GPI: variants seen among roughly 807,000 people sequenced by gnomAD.
GPI encodes D-hexose-6-phosphate anomerase.
GPI carries 56 observed loss-of-function variants against 75.8 expected under a neutral mutation model. That is an observed-to-expected ratio of 0.74 (90% confidence interval 0.60 to 0.92). The LOEUF is 0.92. Ranked by LOEUF, GPI falls within the 40% of genes least tolerant of loss-of-function variation. GPI has a pLI of 0.00. For missense variants in GPI, 638 were observed against 741.0 expected (o/e 0.86, Z 1.61); for synonymous variants, 288 against 285.4 (o/e 1.01, Z -0.09).
At chr19:34,372,830 A>G (rs2145341493) in intron 4 of GPI, among the ~76,000 whole-genome samples, 1 of 151,560 alleles carries the variant, frequency 6.6e-6, no homozygotes, top group South Asian at 2.1e-4. Flanking sequence ...CTGGAGTGCA[A>G]TGGCCTGATC....
upstream of GPI, among the ~76,000 whole-genome samples, chr19:34,361,605 T>C (rs569342110): frequency 6.6e-6 from 1 of 152,258 alleles, no homozygotes; most frequent in South Asian, 2.1e-4. Flanking sequence ...GGATTAGACT[T>C]TTCTTCTTAC....
chr19:34,361,108 T>C (rs1449844085), upstream of GPI, among the ~76,000 whole-genome samples: 1 of 151,920 alleles, frequency 6.6e-6, no homozygotes, highest in Non-Finnish European at 1.5e-5. Flanking sequence ...TCCTTTTTTT[T>C]TGAGACAGAG....
rs1356302354 is a variant in GPI, at chr19:34,379,985, G to GTTT, written c.750+425_750+427dup. On this transcript the variant is annotated intron_variant, in intron 8 of 17. Coordinates refer to ENST00000356487, the MANE Select transcript of GPI (RefSeq NM_000175.5). ...TTTTGCCCCCTACTTAGTGTGTGTGGTTTTGTTTTTTTTTTTTTTTTTTTT... is the reference window on the plus strand; with the variant it reads ...TTTTGCCCCCTACTTAGTGTGTGTGGTTTTTTTGTTTTTTTTTTTTTTTTTTTT... 2.8e-3 allele frequency: 364 copies of GTTT among 127,866 alleles called. 82 individuals are homozygous for GTTT. Among genetic ancestry groups the GTTT allele is most frequent in the African/African-American group, 6.9e-3 (175 of 25,218 alleles). The allele number at this position is 127,866 out of a possible 1,614,324, so 7.9% of individuals were successfully genotyped here. A position where few individuals can be genotyped will look rare whatever the true frequency, so the allele number is the denominator to read the frequency against.
intron 9 of GPI, among the ~76,000 whole-genome samples, chr19:34,382,690 A>G (rs1333575951): frequency 6.6e-6 from 1 of 152,048 alleles, no homozygotes; most frequent in East Asian, 1.9e-4. Flanking sequence ...CCAGCCAAGG[A>G]GCCAAGCAGA....
At chr19:34,380,932 G>A in intron 8 of GPI, 1 of 239,176 alleles carries the variant, frequency 4.2e-6, no homozygotes, top group Non-Finnish European at 8.4e-6. Flanking sequence ...AATAGGTAAG[G>A]AATTGCTGGC....
At chr19:34,359,969 A>G (rs2074292528), upstream of GPI, 1 of 152,282 alleles carries the variant, frequency 6.6e-6, no homozygotes, top group African/African-American at 2.4e-5. Flanking sequence ...TTGAAATTAA[A>G]TCTTTGCTAT....
intron 4 of GPI, among the ~76,000 whole-genome samples, chr19:34,370,077 C>T (rs2074428563): frequency 6.6e-6 from 1 of 152,222 alleles, no homozygotes; most frequent in African/African-American, 2.4e-5. Context: ...TTATTTCCAC[C>T]TGGAAGTATG....
chr19:34,396,304 G>A lies in GPI; in HGVS notation c.1066G>A (p.Asp356Asn), dbSNP rs887245274. The change falls in exon 13 of 18, where the codon GAC becomes AAC. Residue 356 changes from aspartate (D) to asparagine (N), a missense_variant. Coordinates refer to ENST00000356487, the MANE Select transcript of GPI (RefSeq NM_000175.5). Reference protein sequence around the residue: ...HRFAAYFQQGDMESNGKYITK... With the variant: ...HRFAAYFQQGNMESNGKYITK... ...TGGGTTTCTGTTCCTTTTCCAGGGC[G>A]ACATGGAGTCCAATGGGAAATACAT... 1.5e-5 allele frequency: 25 copies of A among 1,613,958 alleles called. No homozygotes were observed. Among genetic ancestry groups the A allele is most frequent in the Non-Finnish European group, 8.5e-6 (10 of 1,179,996 alleles).
chr19:34,382,501 G>A (rs1465710428), intron 9 of GPI, among the ~76,000 whole-genome samples: 2 of 152,128 alleles, frequency 1.3e-5, no homozygotes, highest in East Asian at 1.9e-4. Context: ...AAGAATTGAC[G>A]AGAATCACTC....
rs2074655494 is a variant in GPI, at chr19:34,381,639, G to A, written c.804+120G>A. 4 of 812,478 alleles carry A rather than the reference G, an allele frequency of 4.9e-6. No homozygotes were observed. The South Asian group carries it at 5.4e-5, about 11-fold the overall frequency. The allele number at this position is 812,478 out of a possible 1,614,324, so 50.3% of individuals were successfully genotyped here. ...GTACCTGCTGCATACCTAGCTTGGG[G>A]AAAGGTAGAGAGGCCCTCAGAGAGG... is the stretch of plus-strand genomic sequence containing the variant. On this transcript the variant is annotated intron_variant, in intron 9 of 17. Coordinates refer to ENST00000356487, the MANE Select transcript of GPI (RefSeq NM_000175.5).
In GPI at chr19:34,399,279, G is replaced by A. The variant is rs2074987879; in HGVS notation, c.1342G>A (p.Glu448Lys). ...AAAATCGACGGAGGAGGCCCGAAAG[G>A]AGCTCCAGGCTGCGGGCAAGAGTCC... ...RGKSTEEARK[E>K]LQAAGKSPED... The change falls in exon 15 of 18, where the codon GAG (glutamate) becomes AAG (lysine). Residue 448 changes from glutamate (E) to lysine (K), a missense_variant. Coordinates refer to ENST00000356487, the MANE Select transcript of GPI (RefSeq NM_000175.5). 1 of 1,613,918 alleles carries A rather than the reference G, an allele frequency of 6.2e-7. No homozygotes were observed. The highest frequency in any genetic ancestry group is 8.5e-7 in the Non-Finnish European group (1 of 1,179,982).
intron 6 of GPI, among the ~76,000 whole-genome samples, chr19:34,378,693 G>A (rs1213562826): frequency 6.6e-6 from 1 of 152,226 alleles, no homozygotes; most frequent in Non-Finnish European, 1.5e-5. Flanking sequence ...CAGCCCCTCA[G>A]GGGAGAAGCT....
chr19:34,400,154 G>A lies in GPI; in HGVS notation c.*118G>A. 1.8e-6 allele frequency: 2 copies of A among 1,099,994 alleles called. No individual in the cohort carries two copies. Among genetic ancestry groups the A allele is most frequent in the East Asian group, 2.4e-5 (1 of 42,412 alleles). 68.1% of individuals were successfully genotyped at this position (1,099,994 alleles called of 1,614,324 possible). ...CAGAGCACCCTCTGGTTGTGGGCTTGGACCACGAGCCCTTAGCAGGGAAGG... is the reference window on the plus strand; with the variant it reads ...CAGAGCACCCTCTGGTTGTGGGCTTAGACCACGAGCCCTTAGCAGGGAAGG... On this transcript the variant is annotated 3_prime_UTR_variant, in exon 18 of 18. Coordinates refer to ENST00000356487, the MANE Select transcript of GPI (RefSeq NM_000175.5).
intron 8 of GPI, 48 bp downstream of exon 8, chr19:34,379,610 C>A: frequency 6.9e-7 from 1 of 1,457,556 alleles, no homozygotes; most frequent in Non-Finnish European, 9.6e-7. Context: ...GAGTGCCCAG[C>A]ATGTCCAGGT....
chr19:34,370,257 C>T (rs1434432836), intron 4 of GPI, among the ~76,000 whole-genome samples: 3 of 152,318 alleles, frequency 2.0e-5, no homozygotes, highest in South Asian at 4.1e-4. Context: ...GACATCCTCA[C>T]GTCTGGAGAA....
chr19:34,366,073 G>A, intron 1 of GPI: 1 of 665,812 alleles, frequency 1.5e-6, no homozygotes, highest in Non-Finnish European at 2.8e-6. Context: ...GGAAGCCCTG[G>A]GAAGGGGTGG....
At position 34,399,556 on chromosome 19, in the gene GPI, G is replaced by T. The variant is rs1380569226; in HGVS notation, c.1399G>T (p.Val467Phe). 6.2e-7 allele frequency: 1 copy of T among 1,613,884 alleles called. No individual in the cohort carries two copies. The highest frequency in any genetic ancestry group is 8.5e-7 in the Non-Finnish European group (1 of 1,179,866). The part of the protein sequence containing the change: ...EDLERLLPHK[V>F]FEGNRPTNSI... ...AGACATTCCTTGGTGTTTTCTGCAGGTCTTTGAAGGAAATCGCCCAACCAA... is the reference window on the plus strand; with the variant it reads ...AGACATTCCTTGGTGTTTTCTGCAGTTCTTTGAAGGAAATCGCCCAACCAA... The change falls in exon 16 of 18, where the codon GTC becomes TTC. Residue 467 changes from valine to phenylalanine, a missense_variant and splice_region_variant. Coordinates refer to ENST00000356487, the MANE Select transcript of GPI (RefSeq NM_000175.5).
chr19:34,400,369 G>A lies in GPI; in HGVS notation c.*333G>A, dbSNP rs778441678. Reference sequence around the variant, plus strand: ...CTCTGATTTTTTTTTTCCTGTGATGGTGCTTTATGTAGCAGAGGGCAGGAG... The same window carrying A: ...CTCTGATTTTTTTTTTCCTGTGATGATGCTTTATGTAGCAGAGGGCAGGAG... On this transcript the variant is annotated 3_prime_UTR_variant, in exon 18 of 18. Transcript: ENST00000356487. 2 of 598,022 alleles carry A rather than the reference G, an allele frequency of 3.3e-6. No individual in the cohort carries two copies. Among genetic ancestry groups the A allele is most frequent in the East Asian group, 2.8e-5 (1 of 36,152 alleles). The allele number at this position is 598,022 out of a possible 1,614,324, so 37.0% of individuals were successfully genotyped here.
At chr19:34,385,359 A>AG (rs1278256701) in intron 9 of GPI, among the ~76,000 whole-genome samples, 1 of 143,970 alleles carries the variant, frequency 6.9e-6, no homozygotes, top group Non-Finnish European at 1.5e-5. Context: ...CAAACAAAAA[A>AG]CAAAAAAAAA....
Sources: allele counts gnomAD v4.1 joint callset (sites outside exome capture counted in the v4.1 genomes callset), GRCh38; gene constraint gnomAD v4.1.1; transcripts MANE v1.5; gene names NCBI Gene and HGNC (gene_info 2026-07-23, HGNC 2026-07-21).